The following CNBD1 variants were observed in gnomAD, a reference collection of about 807,000 sequenced individuals.
The protein encoded by CNBD1 is cyclic nucleotide-binding domain-containing protein 1.
CNBD1 carries 71 observed loss-of-function variants against 54.4 expected under a neutral mutation model. That is an observed-to-expected ratio of 1.30 (90% CI 1.08 to 1.59). The LOEUF (loss-of-function observed/expected upper bound fraction) is 1.59. Among genes scored for constraint, CNBD1 ranks in the 40% most tolerant of loss-of-function variants. The pLI is 0.00. For synonymous variants in CNBD1, 182 were observed against 170.7 expected (o/e 1.07, Z -0.51); for missense variants, 659 against 518.0 (o/e 1.27, Z -2.64).
intron 8 of CNBD1, among the ~76,000 whole-genome samples, chr8:87,345,186 T>C (rs1179032874): frequency 6.6e-6 from 1 of 152,158 alleles, no homozygotes; most frequent in East Asian, 1.9e-4. Context: ...CAATATCTTA[T>C]TGAAATGAAG....
rs535705032 is a variant in CNBD1, at chr8:87,105,795, T to C, written c.432-100198T>C. ...TAGTTGTCAGTTCTAACTCTAATGA[T>C]GCTCAGGCCCAGTTTGCTTCCCTTT... On this transcript the variant is annotated intron_variant, in intron 4 of 10. Transcript: ENST00000518476. Among the ~76,000 whole-genome samples the C allele has an allele frequency of 7.9e-5, 12 of 152,292 alleles. No individual in the cohort carries two copies. In the South Asian group the frequency reaches 2.5e-3, roughly 32 times the overall value.
chr8:86,930,910 T>A (rs191855352), intron 3 of CNBD1, among the ~76,000 whole-genome samples: 3 of 152,254 alleles, frequency 2.0e-5, no homozygotes, highest in African/African-American at 4.8e-5. Context: ...TTAGTCTGAT[T>A]TGGATTGGGT....
chr8:87,081,501 T>C (rs1810990876), intron 4 of CNBD1, among the ~76,000 whole-genome samples: 1 of 143,600 alleles, frequency 7.0e-6, no homozygotes, highest in African/African-American at 2.5e-5. Flanking sequence ...TTTTTGTTTT[T>C]TTTGTTTTTG....
chr8:86,916,355 C>T (rs772037114), intron 3 of CNBD1, among the ~76,000 whole-genome samples: 27 of 152,276 alleles, frequency 1.8e-4, no homozygotes, highest in East Asian at 5.8e-4. Context: ...GGGTTTTATA[C>T]GCTGGCATAC....
At chr8:87,113,180 G>A (rs1221529571) in intron 4 of CNBD1, among the ~76,000 whole-genome samples, 1 of 152,164 alleles carries the variant, frequency 6.6e-6, no homozygotes, top group Non-Finnish European at 1.5e-5. Context: ...CCAGTCAAGG[G>A]CAATTCTTCA....
chr8:87,332,759 C>T (rs938653192), intron 8 of CNBD1, among the ~76,000 whole-genome samples: 2 of 152,022 alleles, frequency 1.3e-5, no homozygotes, highest in African/African-American at 4.8e-5. Flanking sequence ...GTACAAGTAC[C>T]ATGCTGTTTT....
At chr8:87,154,877 G>A (rs1463501420) in intron 4 of CNBD1, among the ~76,000 whole-genome samples, 1 of 152,120 alleles carries the variant, frequency 6.6e-6, no homozygotes, top group Non-Finnish European at 1.5e-5. Context: ...CTCCATTGAT[G>A]TGGCACATCC....
intron 4 of CNBD1, among the ~76,000 whole-genome samples, chr8:87,006,909 C>A (rs75703974): frequency 0.015 from 2,220 of 152,278 alleles, 47 homozygotes; most frequent in African/African-American, 0.049. Context: ...AATAAAACTT[C>A]TTATTGGCCG....
intron 2 of CNBD1, among the ~76,000 whole-genome samples, chr8:86,897,277 G>A (rs1808860316): frequency 6.6e-6 from 1 of 152,102 alleles, no homozygotes; most frequent in African/African-American, 2.4e-5. Flanking sequence ...AAAACAAAAA[G>A]TACCTCAATA....
intron 1 of CNBD1, among the ~76,000 whole-genome samples, chr8:86,869,252 T>A (rs936864608): frequency 2.6e-5 from 4 of 152,170 alleles, no homozygotes; most frequent in Non-Finnish European, 4.4e-5. Flanking sequence ...AGTTTACACT[T>A]AAGGATAATA....
chr8:86,880,550 G>T (rs182592313), intron 1 of CNBD1, among the ~76,000 whole-genome samples: 28 of 152,204 alleles, frequency 1.8e-4, no homozygotes, highest in African/African-American at 6.5e-4. Context: ...TACTGGAGGG[G>T]TGAAAGAGGT....
chr8:86,961,244 C>T (rs1276166668), intron 4 of CNBD1, among the ~76,000 whole-genome samples: 1 of 152,084 alleles, frequency 6.6e-6, no homozygotes, highest in Non-Finnish European at 1.5e-5. Flanking sequence ...ACTTTGTTTG[C>T]CCCAATAGAC....
chr8:87,064,217 G>C (rs1810600051), intron 4 of CNBD1, among the ~76,000 whole-genome samples: 1 of 151,858 alleles, frequency 6.6e-6, no homozygotes, highest in Non-Finnish European at 1.5e-5. Flanking sequence ...ACTGACATTT[G>C]CCAATATTCC....
In CNBD1 at chr8:87,353,806, T is replaced by C; in HGVS notation, c.1303+20T>C. ...TATTTGGTAAATGCATAAATATCTT[T>C]TAACTGTTATACCATTTTATTGGAT... is the stretch of plus-strand genomic sequence containing the variant. On this transcript the variant is annotated intron_variant, in intron 10 of 10. Coordinates refer to ENST00000518476, the MANE Select transcript of CNBD1 (RefSeq NM_173538.3). 1.3e-6 allele frequency: 2 copies of C among 1,567,908 alleles called. No homozygotes were observed. The highest frequency in any genetic ancestry group is 1.2e-5 in the South Asian group (1 of 84,678).
chr8:87,055,923 C>CTTCA (rs1810408336), intron 4 of CNBD1, among the ~76,000 whole-genome samples: 1 of 147,308 alleles, frequency 6.8e-6, no homozygotes, highest in East Asian at 2.0e-4. Context: ...TCCTTCCTTC[C>CTTCA]TTCCTTCCTT....
chr8:86,957,712 T>C (rs1412881272), intron 4 of CNBD1, among the ~76,000 whole-genome samples: 1 of 152,182 alleles, frequency 6.6e-6, no homozygotes, highest in Non-Finnish European at 1.5e-5. Flanking sequence ...TATTTGATTC[T>C]TCTCTCTTTT....
chr8:86,998,733 T>G (rs116918058), intron 4 of CNBD1, among the ~76,000 whole-genome samples: 3,839 of 152,292 alleles, frequency 0.025, 69 homozygotes, highest in Non-Finnish European at 0.038. Flanking sequence ...TTTGAATGAT[T>G]TGGAAATACA....
chr8:87,371,797 C>A (rs1282042778), intron 10 of CNBD1, among the ~76,000 whole-genome samples: 1 of 151,902 alleles, frequency 6.6e-6, no homozygotes, highest in Non-Finnish European at 1.5e-5. Context: ...ACCCTTCATG[C>A]TAAAAACTCT....
intron 2 of CNBD1, among the ~76,000 whole-genome samples, chr8:86,894,185 C>T (rs1808815828): frequency 6.7e-6 from 1 of 148,634 alleles, no homozygotes. Context: ...CCTCAGCCTC[C>T]CGAGTAGCTG....
Sources: allele counts gnomAD v4.1 joint callset (sites outside exome capture counted in the v4.1 genomes callset), GRCh38; gene constraint gnomAD v4.1.1; transcripts MANE v1.5; gene names NCBI Gene and HGNC (gene_info 2026-07-23, HGNC 2026-07-21).